The following SRRM1 variants were observed in gnomAD, a reference collection of about 807,000 sequenced individuals.
The protein encoded by SRRM1 is serine and arginine repetitive matrix 1, also known as serine/arginine repetitive matrix protein 1.
Under a neutral mutation model 110.2 loss-of-function variants are expected in SRRM1, and 19 were observed. That is an observed-to-expected ratio of 0.17 (90% confidence interval 0.12 to 0.25). The LOEUF (loss-of-function observed/expected upper bound fraction) is 0.25. Ranked by LOEUF, SRRM1 falls within the 10% of genes least tolerant of loss-of-function variation. The pLI, the probability that SRRM1 is intolerant of heterozygous loss-of-function variation, is 1.00. For synonymous variants in SRRM1, 443 were observed against 414.9 expected, an observed-to-expected ratio of 1.07 and a Z score of -0.82; for missense variants, 918 against 1,145.8, an observed-to-expected ratio of 0.80 and a Z score of 2.87.
At chr1:24,661,027 A>G (rs1666977341) in intron 10 of SRRM1, 2 of 537,632 alleles carry the variant, frequency 3.7e-6, no homozygotes, top group East Asian at 6.0e-5. Context: ...CATCTCCGAA[A>G]TAGGGACAGT....
chr1:24,643,437 G>T, intron 1 of SRRM1, 90 bp downstream of exon 1: 1 of 1,192,816 alleles, frequency 8.4e-7, no homozygotes, highest in Non-Finnish European at 1.1e-6. Context: ...GGTGGCCAGC[G>T]AGGGGAGCTT....
intron 14 of SRRM1, 111 bp from the exon 15 acceptor site, chr1:24,670,009 T>A (rs754535751): frequency 8.6e-5 from 83 of 968,470 alleles, no homozygotes; most frequent in Non-Finnish European, 1.2e-4. Flanking sequence ...ACCAGCAATC[T>A]AAGTGGTATA....
At position 24,655,348 on chromosome 1, in the gene SRRM1, C is replaced by T. The variant is rs867489986; in HGVS notation, c.1315+219C>T. 3.6e-4 allele frequency among the ~76,000 whole-genome samples: 55 copies of T among 152,216 alleles called. 1 individual carries two copies. The highest frequency in any genetic ancestry group is 1.4e-3 in the South Asian group (7 of 4,830). ...TTTTGTTTTTAGCAATGCCCTGTGG[C>T]ATTGCGCAGGTGGAGAAATCTTTTA... On this transcript the variant is annotated intron_variant, in intron 9 of 16. Coordinates refer to ENST00000323848, the MANE Select transcript of SRRM1 (RefSeq NM_005839.4).
Position 24,651,579 on chromosome 1 carries a change from A to G in SRRM1, c.692A>G (p.Lys231Arg), listed in dbSNP as rs1660688291. Residue 231 changes from lysine to arginine, a missense_variant, in exon 6 of 17, where the codon AAA becomes AGA. Lys to Arg is a conservative substitution (Grantham distance 26, BLOSUM62 2). Transcript: ENST00000323848. ...CTCCCAGAACCTTCAGTGAAAGTAA[A>G]AGAACCTTCAGTACAAGAGGCTACT... ...PELPEPSVKVKEPSVQEATST... is the reference protein window; with the variant it reads ...PELPEPSVKVREPSVQEATST... The G allele has an allele frequency of 1.2e-6, 2 of 1,613,400 alleles. No individual in the cohort carries two copies. Among genetic ancestry groups the G allele is most frequent in the Admixed American group, 1.7e-5 (1 of 59,990 alleles).
intron 12 of SRRM1, 49 bp from the exon 13 acceptor site, chr1:24,666,766 C>A: frequency 6.7e-7 from 1 of 1,482,220 alleles, no homozygotes; most frequent in Non-Finnish European, 9.3e-7. Flanking sequence ...CGCCATCACA[C>A]ACACACAAAA....
rs1364534928 is a variant in SRRM1 at position 24,662,682 on chromosome 1, A to C, written c.1506A>C (p.Ser502=). 14 of 1,613,908 alleles carry C rather than the reference A, an allele frequency of 8.7e-6. No individual in the cohort carries two copies. Among genetic ancestry groups the C allele is most frequent in the Admixed American group, 6.7e-5 (4 of 59,962 alleles). ...TAGACTCTGGCTCCTCCTCCTCCTC[A>C]GAAGATGAACGACCCAAGAGATCCC... is the stretch of plus-strand genomic sequence containing the variant. The part of the protein sequence containing the change: ...SSSDSGSSSS[S]EDERPKRSHV... The change falls in exon 12 of 17, where the codon TCA becomes TCC. Residue 502 remains serine (S), a synonymous_variant. Coordinates refer to ENST00000323848, the MANE Select transcript of SRRM1 (RefSeq NM_005839.4).
chr1:24,660,865 G>T, intron 10 of SRRM1, 66 bp downstream of exon 10: 1 of 1,219,246 alleles, frequency 8.2e-7, no homozygotes, highest in South Asian at 1.4e-5. Context: ...AGCTGATTTT[G>T]ATTTTTTGCA....
chr1:24,670,660 T>A (rs1301009692), intron 15 of SRRM1, among the ~76,000 whole-genome samples: 5 of 151,780 alleles, frequency 3.3e-5, no homozygotes, highest in Admixed American at 2.6e-4. Context: ...CCTGGCTGGT[T>A]TTTTGTTTTT....
At chr1:24,667,642 A>G (rs1210352089) in intron 13 of SRRM1, among the ~76,000 whole-genome samples, 1 of 152,242 alleles carries the variant, frequency 6.6e-6, no homozygotes, top group East Asian at 1.9e-4. Context: ...TGACAGAAAC[A>G]GTCACAGATT....
At chr1:24,651,720 T>C (rs372265362) in intron 6 of SRRM1, 108 bp downstream of exon 6, 6 of 945,768 alleles carry the variant, frequency 6.3e-6, no homozygotes, top group East Asian at 5.3e-5. Context: ...TTTTAGATTT[T>C]TTAAATTATA....
At chr1:24,663,132 A>G in intron 12 of SRRM1, 1 of 1,465,550 alleles carries the variant, frequency 6.8e-7, no homozygotes, top group Non-Finnish European at 9.2e-7. Context: ...ACCCAAGTAA[A>G]TAATTTAGTG....
rs1654782974 is a variant in SRRM1 at position 24,643,303 on chromosome 1, G to A, written c.-24G>A. 1.3e-6 allele frequency: 2 copies of A among 1,565,610 alleles called. No individual in the cohort carries two copies. Among genetic ancestry groups the A allele is most frequent in the Non-Finnish European group, 8.6e-7 (1 of 1,160,056 alleles). On this transcript the variant is annotated 5_prime_UTR_variant, in exon 1 of 17. Transcript: ENST00000323848. Reference sequence around the variant, plus strand: ...GGCGCGGTGTACCCTGGGATAGGGAGCGATCTCCGAGCGAGGCGGCAAGAT... The same window carrying A: ...GGCGCGGTGTACCCTGGGATAGGGAACGATCTCCGAGCGAGGCGGCAAGAT...
Position 24,648,965 on chromosome 1 carries a change from A to G in SRRM1, c.341A>G (p.Glu114Gly). ...ELWPLLLSAQ[E>G]NIAGIPSAFL... ...TGGCCCCTGCTGCTAAGTGCACAAG[A>G]AAACATCGCGGGAATCCCTTCTGCT... Residue 114 changes from glutamate (E) to glycine (G), a missense_variant, in exon 4 of 17, where the codon GAA becomes GGA. Around this residue, in one of 5 missense-constraint regions of SRRM1, gnomAD observed 38 missense variants for 144.5 expected, o/e 0.26. Coordinates refer to ENST00000323848, the MANE Select transcript of SRRM1 (RefSeq NM_005839.4). 2 of 1,614,032 alleles carry G rather than the reference A, an allele frequency of 1.2e-6. No individual in the cohort carries two copies. The highest frequency in any genetic ancestry group is 1.7e-6 in the Non-Finnish European group (2 of 1,179,952).
intron 15 of SRRM1, 73 bp downstream of exon 15, chr1:24,670,388 AT>A: frequency 3.6e-6 from 5 of 1,399,694 alleles, no homozygotes; most frequent in Non-Finnish European, 4.8e-6. Context: ...AGAAAATGTC[AT>A]TGGGGCATTA....
At position 24,653,047 on chromosome 1, in the gene SRRM1, A is replaced by C. The variant is rs1337632249; in HGVS notation, c.1040+15A>C. 24 of 1,608,392 alleles carry C rather than the reference A, an allele frequency of 1.5e-5. No homozygotes were observed. The highest frequency in any genetic ancestry group is 5.4e-5 in the African/African-American group (4 of 74,646). ...CCAGTAAGACGGTAAGATTTTTTAA[A>C]TTTGGAAGTGTCAAGTGTTTGACAC... is the stretch of plus-strand genomic sequence containing the variant. On this transcript the variant is annotated intron_variant, in intron 8 of 16. Coordinates refer to ENST00000323848, the MANE Select transcript of SRRM1 (RefSeq NM_005839.4).
chr1:24,648,317 G>T (rs947058620), intron 3 of SRRM1: 5 of 152,254 alleles, frequency 3.3e-5, no homozygotes, highest in African/African-American at 7.2e-5. Flanking sequence ...TGTTATAATA[G>T]ATTTTCCTTA....
chr1:24,644,547 C>A (rs1288365462), intron 1 of SRRM1, among the ~76,000 whole-genome samples: 1 of 152,304 alleles, frequency 6.6e-6, no homozygotes, highest in Non-Finnish European at 1.5e-5. Flanking sequence ...TGAAATCCTT[C>A]TTTAATTGGC....
At chr1:24,650,298 A>G (rs1659880114) in intron 5 of SRRM1, among the ~76,000 whole-genome samples, 1 of 152,270 alleles carries the variant, frequency 6.6e-6, no homozygotes. Flanking sequence ...GCAGATGTTC[A>G]TAAATTATCC....
chr1:24,646,410 C>A (rs1370197408), intron 2 of SRRM1, among the ~76,000 whole-genome samples: 1 of 151,904 alleles, frequency 6.6e-6, no homozygotes, highest in East Asian at 1.9e-4. Context: ...GCCTGTAATC[C>A]CAGCTAATTG....
Sources: gnomAD v4.1 joint callset for allele counts (sites outside exome capture counted in the v4.1 genomes callset) on GRCh38, gnomAD v4.1.1 for gene constraint, gnomAD v4.1.1 regional missense constraint, MANE v1.5 for transcripts, NCBI Gene and HGNC (gene_info 2026-07-23, HGNC 2026-07-21) for gene names.